The following PPM1L variants were observed in gnomAD, a reference collection of about 807,000 sequenced individuals.
PPM1L encodes protein phosphatase 1L.
Under a neutral mutation model 31.4 loss-of-function variants are expected in PPM1L, and 13 were observed. The ratio of observed to expected loss-of-function variants is 0.41; its 90% confidence interval spans 0.27 to 0.66. The LOEUF (loss-of-function observed/expected upper bound fraction) is 0.66. PPM1L is among the 30% of genes least tolerant of loss of function. The pLI is 0.29. For missense variants in PPM1L, 326 were observed against 453.7 expected, an observed-to-expected ratio of 0.72 and a Z score of 2.56; for synonymous variants, 184 against 175.4, an observed-to-expected ratio of 1.05 and a Z score of -0.39.
At chr3:161,062,876 C>T (rs909521576) in intron 2 of PPM1L, among the ~76,000 whole-genome samples, 1 of 152,152 alleles carries the variant, frequency 6.6e-6, no homozygotes, top group Non-Finnish European at 1.5e-5. Flanking sequence ...AATGGAAACG[C>T]CTACTAGGCA....
At chr3:160,890,264 C>T (rs1479325424) in intron 1 of PPM1L, among the ~76,000 whole-genome samples, 1 of 152,276 alleles carries the variant, frequency 6.6e-6, no homozygotes, top group East Asian at 1.9e-4. Flanking sequence ...CAGCCCAAAA[C>T]TCCTTTAGCT....
intron 2 of PPM1L, among the ~76,000 whole-genome samples, chr3:161,011,325 G>C (rs1247496993): frequency 6.6e-6 from 1 of 152,222 alleles, no homozygotes; most frequent in African/African-American, 2.4e-5. Flanking sequence ...TCAGATGGTT[G>C]TAGATGTGTG....
chr3:161,035,234 C>T (rs935539541), intron 2 of PPM1L, among the ~76,000 whole-genome samples: 2 of 151,546 alleles, frequency 1.3e-5, no homozygotes, highest in African/African-American at 4.9e-5. Context: ...AAGAGTGAGC[C>T]ATCTTGCAGT....
intron 1 of PPM1L, among the ~76,000 whole-genome samples, chr3:160,929,926 T>C (rs771566925): frequency 6.6e-5 from 10 of 152,106 alleles, no homozygotes; most frequent in Non-Finnish European, 8.8e-5. Context: ...GTCACACACA[T>C]ATCCCCTCCA....
chr3:161,065,242 T>C (rs377508859), intron 2 of PPM1L, among the ~76,000 whole-genome samples, 161 bp from the exon 3 acceptor site: 5 of 152,200 alleles, frequency 3.3e-5, no homozygotes, highest in East Asian at 3.9e-4. Flanking sequence ...GATTTGATCA[T>C]TGTTGTCGAA....
chr3:161,006,224 A>T (rs1353499723), intron 2 of PPM1L, among the ~76,000 whole-genome samples: 1 of 152,246 alleles, frequency 6.6e-6, no homozygotes, highest in Non-Finnish European at 1.5e-5. Context: ...TCTTGAGGAC[A>T]TTATGCTGAG....
chr3:160,966,614 A>G (rs1023917223), intron 2 of PPM1L, among the ~76,000 whole-genome samples: 10 of 152,160 alleles, frequency 6.6e-5, no homozygotes, highest in African/African-American at 1.9e-4. Context: ...ATGCTGCAAG[A>G]AATATGGGAT....
chr3:161,025,356 G>A (rs1718348312), intron 2 of PPM1L, among the ~76,000 whole-genome samples: 1 of 152,058 alleles, frequency 6.6e-6, no homozygotes, highest in Non-Finnish European at 1.5e-5. Context: ...TTGAGGCCAG[G>A]AGTTTGAGAC....
At chr3:161,032,493 TTAG>T (rs1718600473) in intron 2 of PPM1L, among the ~76,000 whole-genome samples, 1 of 152,170 alleles carries the variant, frequency 6.6e-6, no homozygotes, top group Admixed American at 6.5e-5. Context: ...TGCCCTTGTG[TTAG>T]TAGATCAATT....
At chr3:160,860,189 G>C (rs764841904) in intron 1 of PPM1L, among the ~76,000 whole-genome samples, 1 of 152,108 alleles carries the variant, frequency 6.6e-6, no homozygotes, top group Non-Finnish European at 1.5e-5. Context: ...GTTTAAACTT[G>C]TTTAAAAATA....
At chr3:160,957,411 A>G (rs995139396) in intron 1 of PPM1L, among the ~76,000 whole-genome samples, 4 of 152,138 alleles carry the variant, frequency 2.6e-5, no homozygotes, top group African/African-American at 4.8e-5. Flanking sequence ...TCCTTTGGGT[A>G]TATACCCAGT....
At position 161,070,926 on chromosome 3, in the gene PPM1L, C is replaced by A. The variant is rs1719894198; in HGVS notation, c.*1769C>A. ...TGCACTGAGAATTGCTAATGATTTC[C>A]CATGAGATTTGCTTACTTTTGTATA... On this transcript the variant is annotated 3_prime_UTR_variant, in exon 4 of 4. Transcript: ENST00000498165. 1 of 152,186 alleles carries A rather than the reference C, an allele frequency of 6.6e-6. No homozygotes were observed. The highest frequency in any genetic ancestry group is 1.5e-5 in the Non-Finnish European group (1 of 68,042). 9.4% of individuals were successfully genotyped at this position (152,186 alleles called of 1,614,324 possible).
At chr3:161,037,274 A>G (rs9831488) in intron 2 of PPM1L, among the ~76,000 whole-genome samples, 84,645 of 152,044 alleles carry the variant, frequency 0.56, 27,960 homozygotes, top group East Asian at 0.97. Flanking sequence ...CTGGAATCAC[A>G]TGCTCAGGGG....
chr3:161,001,636 A>C (rs529895365), intron 2 of PPM1L, among the ~76,000 whole-genome samples: 1 of 152,276 alleles, frequency 6.6e-6, no homozygotes, highest in South Asian at 2.1e-4. Context: ...CCAACCATTA[A>C]AAAATTATTT....
At chr3:161,008,172 C>A (rs567421188) in intron 2 of PPM1L, among the ~76,000 whole-genome samples, 1 of 152,308 alleles carries the variant, frequency 6.6e-6, no homozygotes, top group Non-Finnish European at 1.5e-5. Flanking sequence ...TTCCCTCCAC[C>A]TTTTTGTGTA....
intron 1 of PPM1L, among the ~76,000 whole-genome samples, chr3:160,890,225 G>A (rs537532268): frequency 6.6e-6 from 1 of 152,214 alleles, no homozygotes; most frequent in East Asian, 1.9e-4. Flanking sequence ...CAGACAACAT[G>A]TTTTTATATT....
chr3:160,886,753 A>G (rs983441565), intron 1 of PPM1L, among the ~76,000 whole-genome samples: 2 of 152,144 alleles, frequency 1.3e-5, no homozygotes, highest in African/African-American at 4.8e-5. Context: ...AGAAGATGAG[A>G]AAAAAATCAA....
intron 2 of PPM1L, among the ~76,000 whole-genome samples, chr3:160,969,222 G>T (rs1716245575): frequency 1.3e-5 from 2 of 152,200 alleles, no homozygotes. Context: ...TACCTGTGGT[G>T]AAGACACACC....
In PPM1L at chr3:161,066,711, G is replaced by T. The variant is rs1015677029; in HGVS notation, c.736+1147G>T. Among the ~76,000 whole-genome samples, 4 of 152,182 alleles carry T rather than the reference G, an allele frequency of 2.6e-5. No homozygotes were observed. The East Asian group carries it at 7.7e-4, about 29-fold the overall frequency. On this transcript the variant is annotated intron_variant, in intron 3 of 3. Transcript: ENST00000498165. Reference sequence around the variant, plus strand: ...GCTGTCAGAGGGGAGCAAGCGGGGTGCTCATGTACCCTAGTATCTGACCAG... The same window carrying T: ...GCTGTCAGAGGGGAGCAAGCGGGGTTCTCATGTACCCTAGTATCTGACCAG...
Sources: gnomAD v4.1 joint callset for allele counts (sites outside exome capture counted in the v4.1 genomes callset) on GRCh38, gnomAD v4.1.1 for gene constraint, MANE v1.5 for transcripts, NCBI Gene and HGNC (gene_info 2026-07-23, HGNC 2026-07-21) for gene names.